ABCB4: variants seen among roughly 807,000 people sequenced by gnomAD.
ABCB4 encodes phosphatidylcholine translocator ABCB4.
In ABCB4, 76 loss-of-function variants were observed where a neutral mutation model predicts 145.7. The ratio of observed to expected loss-of-function variants is 0.52; its 90% CI spans 0.43 to 0.63. The LOEUF (loss-of-function observed/expected upper bound fraction) is 0.63. Ranked by LOEUF, ABCB4 falls within the 30% of genes least tolerant of loss-of-function variation. ABCB4 has a pLI of 0.00. For missense variants in ABCB4, 1,234 were observed against 1,553.1 expected (o/e 0.79, Z 3.45); for synonymous variants, 517 against 566.8 (o/e 0.91, Z 1.25).
intron 14 of ABCB4, among the ~76,000 whole-genome samples, chr7:87,437,414 G>C (rs1295098880): frequency 6.6e-6 from 1 of 152,128 alleles, no homozygotes; most frequent in East Asian, 1.9e-4. Flanking sequence ...ATGTGCTCAG[G>C]TGGAAAGAAC....
intron 14 of ABCB4, among the ~76,000 whole-genome samples, chr7:87,431,933 A>AG (rs1009989735): frequency 2.0e-5 from 3 of 152,210 alleles, no homozygotes; most frequent in Non-Finnish European, 4.4e-5. Flanking sequence ...GAAATATTTT[A>AG]GGGAAGTTGT....
chr7:87,395,679 G>A, the ABCB4 span, among the ~76,000 whole-genome samples: 1 of 152,122 alleles, frequency 6.6e-6, no homozygotes, highest in Admixed American at 6.5e-5. Flanking sequence ...TTGATGTTTT[G>A]TCACTGAAGT....
the ABCB4 span, chr7:87,391,706 T>G: frequency 5.2e-5 from 83 of 1,606,142 alleles, no homozygotes; most frequent in Non-Finnish European, 6.7e-5. Flanking sequence ...AGGATCCTTC[T>G]GTCAATGTGA....
chr7:87,402,395 A>G, intron 27 of ABCB4, 93 bp from the exon 28 acceptor site: 2 of 1,453,062 alleles, frequency 1.4e-6, no homozygotes, highest in Non-Finnish European at 1.9e-6. Flanking sequence ...TTTCTAATCA[A>G]CTTTTAATTT....
chr7:87,371,749 G>C, the ABCB4 span, among the ~76,000 whole-genome samples: 1 of 152,054 alleles, frequency 6.6e-6, no homozygotes, highest in African/African-American at 2.4e-5. Flanking sequence ...GCAACATTTT[G>C]GGAGGCTGAG....
chr7:87,400,722 T>C (rs1480151260), downstream of ABCB4, among the ~76,000 whole-genome samples: 2 of 152,222 alleles, frequency 1.3e-5, no homozygotes, highest in Non-Finnish European at 2.9e-5. Flanking sequence ...GAAATGCTCA[T>C]TGGAACATTT....
the ABCB4 span, chr7:87,369,240 G>T: frequency 1.9e-6 from 1 of 523,818 alleles, no homozygotes; most frequent in Non-Finnish European, 3.4e-6. Flanking sequence ...CATTATTTTT[G>T]TTATGTGATA....
chr7:87,461,683 T>C (rs1223223603), intron 4 of ABCB4, among the ~76,000 whole-genome samples: 1 of 152,242 alleles, frequency 6.6e-6, no homozygotes, highest in Non-Finnish European at 1.5e-5. Flanking sequence ...TAAACTTTTA[T>C]AGGAGTTTGC....
chr7:87,396,228 A>T, the ABCB4 span, among the ~76,000 whole-genome samples: 1 of 152,152 alleles, frequency 6.6e-6, no homozygotes, highest in Admixed American at 6.5e-5. Flanking sequence ...CAGGAGTTTG[A>T]GACCATCCTG....
At chr7:87,475,706 C>T (rs1183543523), upstream of ABCB4, 1 of 467,668 alleles carries the variant, frequency 2.1e-6, no homozygotes. Flanking sequence ...GGACTTTGCT[C>T]GCCGCGGCCT....
intron 6 of ABCB4, chr7:87,452,548 A>G (rs1811814598): frequency 3.4e-6 from 1 of 295,508 alleles, no homozygotes; most frequent in Admixed American, 4.9e-5. Context: ...TACTTCGCAC[A>G]TGAAACACCC....
At chr7:87,375,754 C>CT in the ABCB4 span, 1 of 1,611,858 alleles carries the variant, frequency 6.2e-7, no homozygotes, top group Non-Finnish European at 8.5e-7. Flanking sequence ...CTTAACGAAG[C>CT]TTTTCTCTAA....
chr7:87,433,684 T>G (rs1429451596), intron 14 of ABCB4, among the ~76,000 whole-genome samples: 4 of 150,142 alleles, frequency 2.7e-5, no homozygotes, highest in Non-Finnish European at 5.9e-5. Context: ...TGTTTTTTTT[T>G]TTTTTTTTTT....
chr7:87,468,412 A>T (rs1483776740), intron 3 of ABCB4, among the ~76,000 whole-genome samples: 29 of 152,120 alleles, frequency 1.9e-4, no homozygotes, highest in Admixed American at 1.9e-3. Flanking sequence ...AACCAAAAAA[A>T]GTCCAGGACC....
At chr7:87,445,673 T>C (rs899479476) in intron 9 of ABCB4, among the ~76,000 whole-genome samples, 1 of 152,192 alleles carries the variant, frequency 6.6e-6, no homozygotes, top group Non-Finnish European at 1.5e-5. Context: ...TGGTAAAACT[T>C]CTACATATAA....
At position 87,431,566 on chromosome 7, in the gene ABCB4, C is replaced by G. The variant is rs764331138; in HGVS notation, c.1732-1G>C. 6.2e-7 allele frequency: 1 copy of G among 1,614,016 alleles called. No homozygotes were observed. Among genetic ancestry groups the G allele is most frequent in the Non-Finnish European group, 8.5e-7 (1 of 1,179,918 alleles). ...CAATGGTGGTCCGGCCTTCTCTGGC[C>G]TAAAAGAACAAAAATGTGGTGCATC... On this transcript the variant is annotated splice_acceptor_variant, in intron 14 of 27. Coordinates refer to ENST00000649586, the MANE Select transcript of ABCB4 (RefSeq NM_000443.4). LOFTEE classifies it high-confidence loss of function.
At chr7:87,366,623 A>G in the ABCB4 span, among the ~76,000 whole-genome samples, 1 of 152,148 alleles carries the variant, frequency 6.6e-6, no homozygotes, top group Non-Finnish European at 1.5e-5. Flanking sequence ...TTACAGTTTA[A>G]TGATGCTACT....
chr7:87,453,325 A>T (rs530797894), intron 5 of ABCB4, among the ~76,000 whole-genome samples, 190 bp from the exon 6 acceptor site: 1 of 152,260 alleles, frequency 6.6e-6, no homozygotes, highest in South Asian at 2.1e-4. Flanking sequence ...CTGGGATTAC[A>T]GGCATGCACC....
intron 6 of ABCB4, 38 bp downstream of exon 6, chr7:87,452,906 A>C: frequency 1.3e-6 from 2 of 1,597,348 alleles, no homozygotes; most frequent in Non-Finnish European, 1.7e-6. Context: ...ACAGTAATTA[A>C]TTTCTATATG....
Sources: allele counts gnomAD v4.1 joint callset (sites outside exome capture counted in the v4.1 genomes callset), GRCh38; gene constraint gnomAD v4.1.1; transcripts MANE v1.5; gene names NCBI Gene and HGNC (gene_info 2026-07-23, HGNC 2026-07-21).